SETD5: variants seen among roughly 807,000 people sequenced by gnomAD.
SETD5 encodes the protein histone-lysine N-methyltransferase SETD5.
A neutral mutation model predicts 153.3 loss-of-function variants in SETD5; 44 were observed. The observed-to-expected ratio is 0.29, with a 90% confidence interval of 0.23 to 0.37. SETD5 has a LOEUF of 0.37. SETD5 is among the 10% of genes least tolerant of loss of function. The pLI, the probability that SETD5 is intolerant of heterozygous loss-of-function variation, is 1.00. For missense variants in SETD5, 1,544 were observed against 1,768.0 expected, an observed-to-expected ratio of 0.87 and a Z score of 2.27; for synonymous variants, 716 against 645.2, an observed-to-expected ratio of 1.11 and a Z score of -1.66.
rs568469806 is a variant in SETD5 at position 9,406,390 on chromosome 3, C to T, written c.-177+8413C>T. On this transcript the variant is annotated intron_variant, in intron 1 of 22. Transcript: ENST00000402198. ...ATTTCTATGGTACAAACTACTATGC[C>T]CATGGAAGTATGTGTTTATGCCCAC... Among the ~76,000 whole-genome samples the T allele has an allele frequency of 1.0e-3, 158 of 151,956 alleles. 3 individuals are homozygous for T. Among genetic ancestry groups the T allele is most frequent in the African/African-American group, 3.5e-3 (144 of 41,432 alleles).
intron 17 of SETD5, among the ~76,000 whole-genome samples, chr3:9,457,738 TTTTC>T (rs2043432778): frequency 6.7e-6 from 1 of 149,342 alleles, no homozygotes; most frequent in South Asian, 2.1e-4. Flanking sequence ...GGAAATTTCT[TTTTC>T]TTTTTTTTTT....
chr3:9,444,863 G>A (rs959575399), intron 11 of SETD5, among the ~76,000 whole-genome samples, 185 bp from the exon 12 acceptor site: 5 of 152,088 alleles, frequency 3.3e-5, no homozygotes, highest in East Asian at 1.9e-4. Context: ...ATGACAGAGC[G>A]AGATTCCGTC....
At position 9,458,233 on chromosome 3, in the gene SETD5, C is replaced by T. The variant is rs181136292; in HGVS notation, c.2476+4365C>T. On this transcript the variant is annotated intron_variant, in intron 17 of 22. Transcript: ENST00000402198. ...AAGCCCAGGAGTCAAGTTCAACCTG[C>T]GCAACACAGCAAGACCTTGTCTTCA... Among the ~76,000 whole-genome samples the T allele has an allele frequency of 3.9e-5, 6 of 152,230 alleles. No individual in the cohort carries two copies. In the East Asian group the frequency reaches 7.7e-4, roughly 20 times the overall value.
intron 13 of SETD5, among the ~76,000 whole-genome samples, chr3:9,446,631 T>C (rs934760398): frequency 2.6e-5 from 4 of 151,986 alleles, no homozygotes; most frequent in Non-Finnish European, 5.9e-5. Flanking sequence ...TAGCTGGCAT[T>C]ACAAGCATGC....
At chr3:9,442,506 TC>T (rs1439001593) in intron 10 of SETD5, among the ~76,000 whole-genome samples, 1 of 152,128 alleles carries the variant, frequency 6.6e-6, no homozygotes, top group African/African-American at 2.4e-5. Flanking sequence ...GATAAGAAAA[TC>T]AAGTGTAGTT....
intron 17 of SETD5, among the ~76,000 whole-genome samples, chr3:9,462,510 C>T (rs1325250219): frequency 6.6e-6 from 1 of 150,632 alleles, no homozygotes; most frequent in Non-Finnish European, 1.5e-5. Context: ...TGGTGTGAAC[C>T]TGGGAGGCGG....
At chr3:9,401,875 C>T (rs1248291336) in intron 1 of SETD5, among the ~76,000 whole-genome samples, 1 of 152,168 alleles carries the variant, frequency 6.6e-6, no homozygotes, top group Admixed American at 6.5e-5. Context: ...TTGTTTGAGG[C>T]ATCAAACTTT....
intron 22 of SETD5, 110 bp downstream of exon 22, chr3:9,475,266 C>A: frequency 8.2e-7 from 1 of 1,215,868 alleles, no homozygotes. Context: ...GTTTCAGCAG[C>A]CTTGGAAATA....
chr3:9,440,749 C>A (rs1022854387), intron 8 of SETD5, 51 bp downstream of exon 8: 6 of 1,571,216 alleles, frequency 3.8e-6, no homozygotes, highest in South Asian at 1.2e-5. Flanking sequence ...TTTTAAGAAC[C>A]CAGGAAGAGG....
chr3:9,432,690 C>T (rs1233469574), intron 3 of SETD5, among the ~76,000 whole-genome samples: 1 of 152,136 alleles, frequency 6.6e-6, no homozygotes, highest in Admixed American at 6.5e-5. Flanking sequence ...TCTTTCTTCC[C>T]ATAAACCTGA....
At chr3:9,472,716 A>ACCTCTCCCCACCTC (rs1220713946) in intron 19 of SETD5, among the ~76,000 whole-genome samples, 1 of 148,278 alleles carries the variant, frequency 6.7e-6, no homozygotes, top group African/African-American at 2.5e-5. Flanking sequence ...CTCTCCACCT[A>ACCTCTCCCCACCTC]CCTCTCCCCA....
At chr3:9,413,536 A>G (rs976544647) in intron 1 of SETD5, among the ~76,000 whole-genome samples, 2 of 151,886 alleles carry the variant, frequency 1.3e-5, no homozygotes, top group Non-Finnish European at 2.9e-5. Context: ...TAGAATTGCC[A>G]TGGGCCTTCT....
At position 9,437,741 on chromosome 3, in the gene SETD5, G is replaced by A. The variant is rs2040759601; in HGVS notation, c.567+1835G>A. Among the ~76,000 whole-genome samples the A allele has an allele frequency of 3.3e-5, 5 of 152,164 alleles. No individual in the cohort carries two copies. The South Asian group carries it at 1.0e-3, about 32-fold the overall frequency. On this transcript the variant is annotated intron_variant, in intron 7 of 22. Transcript: ENST00000402198. The stretch of plus-strand genomic sequence containing the variant: ...AGTAAGGCCAGGCGCAGTAGCTCAC[G>A]CCTGTAATCCTAGCACTTTGGAAGA...
chr3:9,430,207 T>A (rs1358218839), intron 3 of SETD5: 10 of 984,690 alleles, frequency 1.0e-5, no homozygotes, highest in African/African-American at 1.7e-5. Flanking sequence ...AGAATATTAT[T>A]AAAGAGCATG....
chr3:9,439,655 G>C (rs1489200988), intron 7 of SETD5, among the ~76,000 whole-genome samples: 1 of 152,198 alleles, frequency 6.6e-6, no homozygotes, highest in African/African-American at 2.4e-5. Context: ...TGTCTGCCTA[G>C]GAAGCTGTTC....
intron 18 of SETD5, among the ~76,000 whole-genome samples, chr3:9,465,524 T>C (rs1029620869): frequency 1.3e-5 from 2 of 152,250 alleles, no homozygotes; most frequent in East Asian, 3.8e-4. Flanking sequence ...TCTGCCCCCT[T>C]GTTTGCACTT....
chr3:9,435,701 C>G (rs1326430742), intron 6 of SETD5, 27 bp from the exon 7 acceptor site: 1 of 1,539,920 alleles, frequency 6.5e-7, no homozygotes, highest in South Asian at 1.3e-5. Context: ...CTATTAGTAC[C>G]TGAACTATGA....
chr3:9,464,403 A>C (rs767994414), intron 17 of SETD5, 22 bp from the exon 18 acceptor site: 33 of 1,598,672 alleles, frequency 2.1e-5, no homozygotes, highest in Non-Finnish European at 2.7e-5. Context: ...TCAAACTCTC[A>C]TCCAAGCTTT....
chr3:9,442,696 T>TA (rs922605391), intron 10 of SETD5, among the ~76,000 whole-genome samples: 7 of 152,174 alleles, frequency 4.6e-5, no homozygotes, highest in Non-Finnish European at 8.8e-5. Flanking sequence ...GAGCTTTACT[T>TA]ACTGGCTAAG....
Sources: gnomAD v4.1 joint callset for allele counts (sites outside exome capture counted in the v4.1 genomes callset) on GRCh38, gnomAD v4.1.1 for gene constraint, MANE v1.5 for transcripts, NCBI Gene and HGNC (gene_info 2026-07-23, HGNC 2026-07-21) for gene names.